FRMPD4: variants seen among roughly 807,000 people sequenced by gnomAD.
FRMPD4 encodes FERM and PDZ domain-containing protein 4.
In FRMPD4, 22 loss-of-function variants were observed where a neutral mutation model predicts 94.1. The ratio of observed to expected loss-of-function variants is 0.23; its 90% CI spans 0.17 to 0.33. The LOEUF (loss-of-function observed/expected upper bound fraction) is 0.33. Ranked by LOEUF, FRMPD4 falls within the 10% of genes least tolerant of loss-of-function variation. The pLI, the probability that FRMPD4 is intolerant of heterozygous loss-of-function variation, is 1.00. For missense variants in FRMPD4, 1,111 were observed against 1,339.9 expected, an observed-to-expected ratio of 0.83 and a Z score of 2.67; for synonymous variants, 631 against 548.6, an observed-to-expected ratio of 1.15 and a Z score of -2.10.
intron 1 of FRMPD4, among the ~76,000 whole-genome samples, chrX:12,259,320 T>G (rs1458149859): frequency 1.8e-5 from 2 of 110,910 alleles, no homozygotes; most frequent in Non-Finnish European, 3.8e-5. Flanking sequence ...CCAATATGAC[T>G]GATGTCTTTA....
intron 3 of FRMPD4, among the ~76,000 whole-genome samples, chrX:12,017,843 A>G (rs1392574268): frequency 9.0e-6 from 1 of 111,524 alleles, no homozygotes; most frequent in East Asian, 2.8e-4. Context: ...GTTATTTTCA[A>G]CATTTAACCC....
chrX:12,201,865 T>A (rs2056634447), intron 1 of FRMPD4, among the ~76,000 whole-genome samples: 2 of 111,962 alleles, frequency 1.8e-5, no homozygotes, highest in African/African-American at 6.5e-5. Context: ...GATGTTTCTT[T>A]CTTCAATTTT....
intron 3 of FRMPD4, among the ~76,000 whole-genome samples, chrX:11,966,824 T>A (rs1200483878): frequency 1.8e-5 from 2 of 112,039 alleles, no homozygotes; most frequent in Non-Finnish European, 3.8e-5. Flanking sequence ...CCCTTAAATC[T>A]CCAGTTTCAT....
chrX:12,633,510 A>G (rs1384268107), intron 4 of FRMPD4, among the ~76,000 whole-genome samples: 1 of 112,011 alleles, frequency 8.9e-6, no homozygotes, highest in Non-Finnish European at 1.9e-5. Context: ...GCGAGGGGGA[A>G]AATGTCCCAA....
intron 3 of FRMPD4, among the ~76,000 whole-genome samples, chrX:11,880,143 C>T (rs1200755756): frequency 2.7e-5 from 3 of 110,968 alleles, no homozygotes; most frequent in African/African-American, 9.8e-5. Context: ...TGGTTAGGAC[C>T]GTGTTTTCTG....
intron 8 of FRMPD4, among the ~76,000 whole-genome samples, chrX:12,691,838 G>A (rs770967411): frequency 5.2e-4 from 57 of 110,440 alleles, no homozygotes; most frequent in Admixed American, 1.2e-3. Context: ...GTATCCCACC[G>A]AGAGGCGAGG....
At chrX:12,052,682 A>T (rs1048215505) in intron 3 of FRMPD4, among the ~76,000 whole-genome samples, 9 of 111,692 alleles carry the variant, frequency 8.1e-5, no homozygotes, top group African/African-American at 2.9e-4. Flanking sequence ...CCATACAGGC[A>T]GGGCTTTTCC....
intron 3 of FRMPD4, among the ~76,000 whole-genome samples, chrX:12,106,234 G>A (rs1004643332): frequency 8.9e-6 from 1 of 112,344 alleles, no homozygotes; most frequent in Non-Finnish European, 1.9e-5. Context: ...CAGTGAGAAT[G>A]TCCTTGGAGA....
intron 1 of FRMPD4, among the ~76,000 whole-genome samples, chrX:12,307,563 G>A (rs1255585630): frequency 9.0e-6 from 1 of 111,580 alleles, no homozygotes; most frequent in Non-Finnish European, 1.9e-5. Flanking sequence ...CATCATAGTA[G>A]TGGTTGCCTC....
chrX:12,479,877 C>A (rs1405250432), intron 1 of FRMPD4, among the ~76,000 whole-genome samples: 1 of 109,913 alleles, frequency 9.1e-6, no homozygotes, highest in African/African-American at 3.3e-5. Context: ...GAAATGGGTC[C>A]CTCCTTTGCA....
chrX:12,539,716 C>A (rs369561063), intron 2 of FRMPD4, among the ~76,000 whole-genome samples: 3 of 110,513 alleles, frequency 2.7e-5, no homozygotes, highest in African/African-American at 9.9e-5. Flanking sequence ...TCACCGCAAC[C>A]TCCGCCTCCC....
At chrX:12,522,626 A>G in intron 2 of FRMPD4, among the ~76,000 whole-genome samples, 1 of 85,492 alleles carries the variant, frequency 1.2e-5, no homozygotes, top group African/African-American at 4.9e-5. Flanking sequence ...CTTTTGAGAC[A>G]GAGTCTCACT....
At chrX:11,957,080 C>A (rs938269011) in intron 3 of FRMPD4, among the ~76,000 whole-genome samples, 3 of 112,291 alleles carry the variant, frequency 2.7e-5, no homozygotes, top group Non-Finnish European at 5.6e-5. Flanking sequence ...CAAGAAAGCT[C>A]ACTGGTTGGT....
At chrX:12,553,466 A>ATATATATATCTATC (rs368999462) in intron 2 of FRMPD4, among the ~76,000 whole-genome samples, 5 of 78,093 alleles carry the variant, frequency 6.4e-5, no homozygotes, top group African/African-American at 2.1e-4. Flanking sequence ...ATATATATAT[A>ATATATATATCTATC]TCTAATCCAC....
chrX:12,152,556 T>G (rs1049579867), intron 1 of FRMPD4, among the ~76,000 whole-genome samples: 1 of 111,528 alleles, frequency 9.0e-6, no homozygotes, highest in African/African-American at 3.3e-5. Context: ...GATAAAATGT[T>G]GAAAAATCAA....
chrX:12,706,098 T>A (rs771807471), intron 11 of FRMPD4, among the ~76,000 whole-genome samples: 5 of 110,649 alleles, frequency 4.5e-5, no homozygotes, highest in South Asian at 3.8e-4. Context: ...TTTTTTTTTT[T>A]AAATCAAATA....
At chrX:12,686,922 G>T (rs996086799) in intron 7 of FRMPD4, among the ~76,000 whole-genome samples, 1 of 111,815 alleles carries the variant, frequency 8.9e-6, no homozygotes, top group Non-Finnish European at 1.9e-5. Context: ...GCTCCCTAAT[G>T]CTTCATCAGC....
At chrX:12,289,639 A>T (rs148197744) in intron 1 of FRMPD4, among the ~76,000 whole-genome samples, 24 of 111,403 alleles carry the variant, frequency 2.2e-4, no homozygotes, top group Non-Finnish European at 4.1e-4. Flanking sequence ...AGATGGGTCT[A>T]TGTCTCTTTA....
At chrX:12,299,696 G>A (rs896140353) in intron 1 of FRMPD4, among the ~76,000 whole-genome samples, 1 of 111,863 alleles carries the variant, frequency 8.9e-6, no homozygotes, top group African/African-American at 3.2e-5. Flanking sequence ...AGTATCCATA[G>A]GTTATGAGAA....
Sources: allele counts gnomAD v4.1 joint callset (sites outside exome capture counted in the v4.1 genomes callset), GRCh38; gene constraint gnomAD v4.1.1; transcripts MANE v1.5; gene names NCBI Gene and HGNC (gene_info 2026-07-23, HGNC 2026-07-21).